GCNT1: variants seen among roughly 807,000 people sequenced by gnomAD.
GCNT1 encodes the protein beta-1,3-galactosyl-O-glycosyl-glycoprotein beta-1,6-N-acetylglucosaminyltransferase.
GCNT1 carries 16 observed loss-of-function variants against 26.2 expected under a neutral mutation model. The ratio of observed to expected loss-of-function variants is 0.61; its 90% confidence interval spans 0.41 to 0.93. The LOEUF (loss-of-function observed/expected upper bound fraction) is 0.93. Ranked by LOEUF, GCNT1 falls within the 40% of genes least tolerant of loss-of-function variation. The probability of loss-of-function intolerance (pLI) is 0.00; values close to 1 mark genes in which losing one functional copy is unlikely to be tolerated. For missense variants in GCNT1, 477 were observed against 526.7 expected, an observed-to-expected ratio of 0.91 and a Z score of 0.92; for synonymous variants, 183 against 190.8, an observed-to-expected ratio of 0.96 and a Z score of 0.34.
At chr9:76,479,100 A>G (rs1824342132) in intron 2 of GCNT1, among the ~76,000 whole-genome samples, 1 of 151,808 alleles carries the variant, frequency 6.6e-6, no homozygotes, top group Non-Finnish European at 1.5e-5. Flanking sequence ...GAGTGAGAAC[A>G]TGCGATGTTT....
At chr9:76,468,593 C>A (rs1258313678) in intron 2 of GCNT1, among the ~76,000 whole-genome samples, 1 of 152,200 alleles carries the variant, frequency 6.6e-6, no homozygotes, top group Admixed American at 6.5e-5. Context: ...GCAGGACCAT[C>A]CTTTGCACCC....
At chr9:76,429,719 T>C (rs1258326550) in intron 1 of GCNT1, among the ~76,000 whole-genome samples, 6 of 147,526 alleles carry the variant, frequency 4.1e-5, no homozygotes, top group Admixed American at 1.3e-4. Flanking sequence ...TTCTTTCTTT[T>C]TTTTTTTTTT....
At chr9:76,395,423 A>G in the GCNT1 span, among the ~76,000 whole-genome samples, 1 of 152,078 alleles carries the variant, frequency 6.6e-6, no homozygotes, top group Non-Finnish European at 1.5e-5. Context: ...TTTACCTGAT[A>G]TTAAATTTAT....
At chr9:76,494,165 C>G (rs1824835650) in intron 2 of GCNT1, among the ~76,000 whole-genome samples, 1 of 152,046 alleles carries the variant, frequency 6.6e-6, no homozygotes, top group African/African-American at 2.4e-5. Flanking sequence ...AGTTTTCCTG[C>G]TAGACCACAA....
At chr9:76,486,742 G>A (rs2131623765) in intron 2 of GCNT1, among the ~76,000 whole-genome samples, 1 of 152,180 alleles carries the variant, frequency 6.6e-6, no homozygotes. Flanking sequence ...CAAGTTTGTG[G>A]GGAACTAGAA....
At chr9:76,464,948 C>T (rs1463334149) in intron 2 of GCNT1, among the ~76,000 whole-genome samples, 1 of 152,078 alleles carries the variant, frequency 6.6e-6, no homozygotes, top group Non-Finnish European at 1.5e-5. Context: ...TGCTCACATT[C>T]CTCCAGTTCA....
At chr9:76,399,882 A>G in the GCNT1 span, among the ~76,000 whole-genome samples, 1 of 152,222 alleles carries the variant, frequency 6.6e-6, no homozygotes, top group Non-Finnish European at 1.5e-5. Flanking sequence ...ATATAATGCC[A>G]TACTATTCTG....
intron 1 of GCNT1, among the ~76,000 whole-genome samples, chr9:76,425,137 T>TA (rs1194003045): frequency 0.037 from 2,697 of 72,956 alleles, 81 homozygotes; most frequent in Middle Eastern, 0.11. Flanking sequence ...AAACTCCGTC[T>TA]AAAAAAAAAA....
intron 2 of GCNT1, among the ~76,000 whole-genome samples, chr9:76,486,510 G>A (rs1374547524): frequency 6.6e-6 from 1 of 152,094 alleles, no homozygotes; most frequent in Admixed American, 6.6e-5. Flanking sequence ...GCAGAAGGTG[G>A]GCTGTAAATT....
intron 1 of GCNT1, 64 bp downstream of exon 1, chr9:76,459,369 A>T (rs565572400): frequency 6.6e-6 from 1 of 152,154 alleles, no homozygotes; most frequent in Non-Finnish European, 1.5e-5. Flanking sequence ...GCTGAGAAGG[A>T]TGGGTGGGAG....
Position 76,503,907 on chromosome 9 carries a change from C to A in GCNT1, c.*239C>A. Reference sequence around the variant, plus strand: ...GGAGGAGTAAAGGTAGCCTTGAGGCCAGAGCAGGTAGCAAGGCATTGTGGA... The same window carrying A: ...GGAGGAGTAAAGGTAGCCTTGAGGCAAGAGCAGGTAGCAAGGCATTGTGGA... On this transcript the variant is annotated 3_prime_UTR_variant, in exon 4 of 4. Coordinates refer to ENST00000376730, the MANE Select transcript of GCNT1 (RefSeq NM_001490.5). 1 of 522,038 alleles carries A rather than the reference C, an allele frequency of 1.9e-6. No individual in the cohort carries two copies. Among genetic ancestry groups the A allele is most frequent in the Non-Finnish European group, 3.6e-6 (1 of 279,598 alleles). 32.3% of individuals were successfully genotyped at this position (522,038 alleles called of 1,614,324 possible).
chr9:76,450,954 T>G (rs1376003191), intron 1 of GCNT1, among the ~76,000 whole-genome samples: 2 of 152,232 alleles, frequency 1.3e-5, no homozygotes, highest in African/African-American at 2.4e-5. Context: ...GGGATCAACC[T>G]GTTTCTTTTT....
At chr9:76,444,928 A>G (rs74764674) in intron 1 of GCNT1, among the ~76,000 whole-genome samples, 2 of 152,176 alleles carry the variant, frequency 1.3e-5, no homozygotes, top group East Asian at 3.9e-4. Flanking sequence ...ACACCTGTTC[A>G]TTTACGTGCT....
the GCNT1 span, among the ~76,000 whole-genome samples, chr9:76,400,810 G>T: frequency 5.3e-5 from 8 of 152,186 alleles, no homozygotes; most frequent in Admixed American, 5.2e-4. Context: ...AAACAGAGAA[G>T]AGGAAAGAAA....
chr9:76,444,244 G>C (rs113325017), intron 1 of GCNT1, among the ~76,000 whole-genome samples: 33 of 152,294 alleles, frequency 2.2e-4, no homozygotes, highest in African/African-American at 7.7e-4. Flanking sequence ...ATATGAGTCT[G>C]GAGTTCTGAG....
At chr9:76,405,768 A>G in the GCNT1 span, among the ~76,000 whole-genome samples, 1 of 152,106 alleles carries the variant, frequency 6.6e-6, no homozygotes. Context: ...TGTGTGTATC[A>G]TAGTTTATTT....
At position 76,502,269 on chromosome 9, in the gene GCNT1, G is replaced by T. The variant is rs185143658; in HGVS notation, c.-113G>T. ...CTCTTCATTTCAAGATGCCGTTGCA[G>T]CTCTGATAAATGCAAACTGACAACC... On this transcript the variant is annotated 5_prime_UTR_variant, in exon 4 of 4. Transcript: ENST00000376730. 4.3e-5 allele frequency: 26 copies of T among 606,032 alleles called. No homozygotes were observed. The highest frequency in any genetic ancestry group is 7.5e-5 in the Non-Finnish European group (26 of 346,142). The allele number at this position is 606,032 out of a possible 1,614,324, so 37.5% of individuals were successfully genotyped here. A position where few individuals can be genotyped will look rare whatever the true frequency, so the allele number is the denominator to read the frequency against.
the GCNT1 span, among the ~76,000 whole-genome samples, chr9:76,396,580 G>T: frequency 0.034 from 5,112 of 152,308 alleles, 102 homozygotes; most frequent in Non-Finnish European, 0.048. Context: ...AGTGGCTCAT[G>T]CCTGTAATCC....
At chr9:76,478,101 A>G (rs1824299233) in intron 2 of GCNT1, among the ~76,000 whole-genome samples, 1 of 152,214 alleles carries the variant, frequency 6.6e-6, no homozygotes, top group Admixed American at 6.5e-5. Context: ...AAATGGACCA[A>G]TCAGCAGGAT....
Sources: allele counts gnomAD v4.1 joint callset (sites outside exome capture counted in the v4.1 genomes callset), GRCh38; gene constraint gnomAD v4.1.1; transcripts MANE v1.5; gene names NCBI Gene and HGNC (gene_info 2026-07-23, HGNC 2026-07-21).